TMPRSS9: variants seen among roughly 807,000 people sequenced by gnomAD.
TMPRSS9 encodes the protein transmembrane serine protease 9, also known as transmembrane protease serine 9.
A neutral mutation model predicts 111.4 loss-of-function variants in TMPRSS9; 113 were observed. The observed-to-expected ratio is 1.01, with a 90% CI of 0.87 to 1.19. The LOEUF (loss-of-function observed/expected upper bound fraction) is 1.19. Ranked by LOEUF, TMPRSS9 falls within the 50% of genes most tolerant of loss-of-function variation. The pLI, the probability that TMPRSS9 is intolerant of heterozygous loss-of-function variation, is 0.00. For missense variants in TMPRSS9, 1,803 were observed against 1,513.1 expected (o/e 1.19, Z -3.18); for synonymous variants, 805 against 659.1 (o/e 1.22, Z -3.39).
intron 1 of TMPRSS9, among the ~76,000 whole-genome samples, chr19:2,393,447 C>A (rs547208234): frequency 6.6e-6 from 1 of 152,112 alleles, no homozygotes; most frequent in Non-Finnish European, 1.5e-5. Flanking sequence ...CGAACACATC[C>A]GAACATCAGC....
chr19:2,417,987 C>G lies in TMPRSS9; in HGVS notation c.2018-15C>G. 1 of 1,611,648 alleles carries G rather than the reference C, an allele frequency of 6.2e-7. No homozygotes were observed. Among genetic ancestry groups the G allele is most frequent in the Non-Finnish European group, 8.5e-7 (1 of 1,179,394 alleles). On this transcript the variant is annotated splice_polypyrimidine_tract_variant and intron_variant, in intron 12 of 17. Transcript: ENST00000648592. ...ATCACTGTGCACGTGGCCTTTCTGG[C>G]TCTTTCCCTGGTAGCCACCAAGCCC...
At chr19:2,408,153 A>C (rs933067130) in intron 7 of TMPRSS9, among the ~76,000 whole-genome samples, 1 of 151,836 alleles carries the variant, frequency 6.6e-6, no homozygotes, top group Admixed American at 6.6e-5. Flanking sequence ...TCCTGGGCTC[A>C]GGTGATCCTC....
chr19:2,401,647 G>A (rs769877902), intron 4 of TMPRSS9, among the ~76,000 whole-genome samples: 12 of 151,428 alleles, frequency 7.9e-5, no homozygotes, highest in Non-Finnish European at 1.3e-4. Context: ...TCGCTCTGTC[G>A]CCCAGGCTGG....
intron 4 of TMPRSS9, 97 bp downstream of exon 5, chr19:2,399,290 A>G: frequency 4.8e-6 from 7 of 1,444,668 alleles, no homozygotes; most frequent in Non-Finnish European, 6.4e-6. Flanking sequence ...TCCCATAAAA[A>G]GAAAACAAAC....
intron 8 of TMPRSS9, among the ~76,000 whole-genome samples, chr19:2,409,957 G>A (rs1225927699): frequency 1.3e-5 from 2 of 152,072 alleles, no homozygotes; most frequent in Non-Finnish European, 2.9e-5. Flanking sequence ...CTGTGGACCT[G>A]GAATGAGGGG....
rs1248320197 is a variant in TMPRSS9 at position 2,413,650 on chromosome 19, C to G, written c.1255-50C>G. The G allele has an allele frequency of 2.6e-6, 4 of 1,555,520 alleles. No individual in the cohort carries two copies. In the African/African-American group the frequency reaches 4.0e-5, roughly 16 times the overall value. On this transcript the variant is annotated intron_variant, in intron 9 of 17. Coordinates refer to ENST00000648592, the Ensembl canonical transcript of TMPRSS9. ...TTCTTGGGCCTCGTAGCACTGGTGT[C>G]TGGACTGGCTGCTGCCGACCCATCC...
At chr19:2,407,276 C>A (rs1024277836) in intron 7 of TMPRSS9, among the ~76,000 whole-genome samples, 2 of 151,608 alleles carry the variant, frequency 1.3e-5, no homozygotes, top group Admixed American at 1.3e-4. Context: ...AATCCCAGCA[C>A]TTTGGGAGGC....
At chr19:2,382,389 C>T (rs1970395312) in intron 1 of TMPRSS9, among the ~76,000 whole-genome samples, 1 of 152,168 alleles carries the variant, frequency 6.6e-6, no homozygotes, top group African/African-American at 2.4e-5. Context: ...ACCTTGGCCT[C>T]CCAAAGTGCT....
intron 1 of TMPRSS9, among the ~76,000 whole-genome samples, chr19:2,375,092 C>T (rs544464933): frequency 1.5e-3 from 229 of 152,322 alleles, no homozygotes; most frequent in Non-Finnish European, 2.6e-3. Flanking sequence ...GTCTCTTCCT[C>T]CACGGCACTG....
chr19:2,400,194 G>A (rs1399520799), intron 4 of TMPRSS9, among the ~76,000 whole-genome samples: 1 of 152,244 alleles, frequency 6.6e-6, no homozygotes, highest in Admixed American at 6.5e-5. Context: ...GCCTATGGCC[G>A]TAGTTGGCCA....
chr19:2,424,863 C>A, intron 15 of TMPRSS9, 139 bp from the exon 17 acceptor site: 1 of 1,108,720 alleles, frequency 9.0e-7, no homozygotes, highest in South Asian at 1.9e-5. Context: ...GAGACTGAGC[C>A]CATTCCCAGA....
In TMPRSS9 at chr19:2,363,632, G is replaced by A. The variant is rs537142355; in HGVS notation, c.-26+3272G>A. ...GGGGAGGCAGGACTGGACCCTGGGT[G>A]CCGACACTGGGGCAGGGTTTAGAGC... On this transcript the variant is annotated intron_variant, in intron 1 of 17. Coordinates refer to the TMPRSS9 transcript ENST00000649857. Among the ~76,000 whole-genome samples, 6 of 151,824 alleles carry A rather than the reference G, an allele frequency of 4.0e-5. No individual in the cohort carries two copies. The East Asian group carries it at 7.8e-4, about 20-fold the overall frequency.
chr19:2,405,092 G>T (rs1042015801), intron 6 of TMPRSS9, among the ~76,000 whole-genome samples: 1 of 152,170 alleles, frequency 6.6e-6, no homozygotes, highest in East Asian at 1.9e-4. Context: ...TGTACGTGGG[G>T]TCATCGCCCC....
At position 2,418,254 on chromosome 19, in the gene TMPRSS9, C is replaced by T. The variant is rs1457026301; in HGVS notation, c.2154+116C>T. On this transcript the variant is annotated intron_variant, in intron 13 of 17. Coordinates refer to ENST00000648592, the Ensembl canonical transcript of TMPRSS9. ...TTTTCCTTTCTTTCCTTCCCCCCCT[C>T]CTTCCCTCCTTGTCCTTCCCTCCTT... is the stretch of plus-strand genomic sequence containing the variant. The T allele has an allele frequency of 1.6e-5, 16 of 1,024,144 alleles. No individual in the cohort carries two copies. The African/African-American group carries it at 4.0e-4, about 26-fold the overall frequency. The allele number at this position is 1,024,144 out of a possible 1,614,324, so 63.4% of individuals were successfully genotyped here.
At chr19:2,417,915 C>G (rs1971287808) in intron 12 of TMPRSS9, 87 bp from the exon 14 acceptor site, 2 of 1,533,712 alleles carry the variant, frequency 1.3e-6, no homozygotes, top group Non-Finnish European at 1.8e-6. Context: ...GGTGGGGATG[C>G]TGCATCTCGG....
At chr19:2,379,615 C>CTT (rs1555676512) in intron 1 of TMPRSS9, among the ~76,000 whole-genome samples, 36 of 118,618 alleles carry the variant, frequency 3.0e-4, no homozygotes, top group African/African-American at 9.5e-4. Flanking sequence ...AACTTTCTTT[C>CTT]TCTTTCTTTC....
intron 1 of TMPRSS9, among the ~76,000 whole-genome samples, chr19:2,368,930 G>A (rs1023628602): frequency 8.6e-5 from 13 of 150,396 alleles, no homozygotes; most frequent in East Asian, 2.0e-4. Context: ...GATTACAGGT[G>A]TACGCCACCA....
chr19:2,425,747 G>A (rs1416523397), intron 17 of TMPRSS9, 180 bp from the exon 19 acceptor site: 5 of 1,153,502 alleles, frequency 4.3e-6, no homozygotes, highest in African/African-American at 3.2e-5. Flanking sequence ...GTTCCACTCC[G>A]GGACCACGTG....
chr19:2,384,928 G>A (rs1455107101), upstream of TMPRSS9, among the ~76,000 whole-genome samples: 1 of 148,810 alleles, frequency 6.7e-6, no homozygotes, highest in Admixed American at 6.7e-5. Context: ...GTTGCAGTGA[G>A]CTGAGATCAT....
Sources: allele counts gnomAD v4.1 joint callset (sites outside exome capture counted in the v4.1 genomes callset), GRCh38; gene constraint gnomAD v4.1.1; transcripts MANE v1.5; gene names NCBI Gene and HGNC (gene_info 2026-07-23, HGNC 2026-07-21).